The following PTDSS1 variants were observed in gnomAD, a reference collection of about 807,000 sequenced individuals.
PTDSS1 encodes the protein phosphatidylserine synthase 1.
PTDSS1 carries 45 observed loss-of-function variants against 70.5 expected under a neutral mutation model. The ratio of observed to expected loss-of-function variants is 0.64; its 90% CI spans 0.50 to 0.82. PTDSS1 has a LOEUF of 0.82. Ranked by LOEUF, PTDSS1 falls within the 40% of genes least tolerant of loss-of-function variation. The pLI is 0.00. For missense variants in PTDSS1, 417 were observed against 586.1 expected (o/e 0.71, Z 2.98); for synonymous variants, 188 against 203.8 (o/e 0.92, Z 0.66).
intron 9 of PTDSS1, among the ~76,000 whole-genome samples, chr8:96,315,790 A>G (rs574477559): frequency 2.0e-5 from 3 of 152,160 alleles, no homozygotes; most frequent in Non-Finnish European, 4.4e-5. Context: ...GGAGGCCCTG[A>G]CTGAATTCCA....
chr8:96,289,080 G>T (rs940801900), intron 4 of PTDSS1, among the ~76,000 whole-genome samples: 1 of 151,572 alleles, frequency 6.6e-6, no homozygotes, highest in African/African-American at 2.4e-5. Context: ...GACTACAGGC[G>T]CCTGCCACTA....
intron 2 of PTDSS1, among the ~76,000 whole-genome samples, chr8:96,278,669 C>G (rs1207712424): frequency 6.6e-6 from 1 of 152,188 alleles, no homozygotes; most frequent in Non-Finnish European, 1.5e-5. Context: ...CACCCTATCA[C>G]TGGAGTGAAA....
Position 96,273,286 on chromosome 8 carries a change from T to C in PTDSS1, c.180-13T>C. On this transcript the variant is annotated splice_polypyrimidine_tract_variant and intron_variant, in intron 1 of 12. Transcript: ENST00000517309. ...CTGAAAGTAAATGCTCAATGTTGTT[T>C]TTCTATTTTCAGGGATGACTCTGTT... 6.4e-7 allele frequency: 1 copy of C among 1,573,038 alleles called. No homozygotes were observed. The highest frequency in any genetic ancestry group is 1.7e-4 in the Middle Eastern group (1 of 5,884).
In PTDSS1 at chr8:96,262,282, T is replaced by TGGGTGGGGG; in HGVS notation, c.179+65_179+66insGTGGGGGGG. The stretch of plus-strand genomic sequence containing the variant: ...GCTAGGGAAGAGGCGGGAGGGAGGG[T>TGGGTGGGGG]GGCGGGGAGGGGGGCCCGGCATGGC... On this transcript the variant is annotated intron_variant, in intron 1 of 12. Coordinates refer to ENST00000517309, the MANE Select transcript of PTDSS1 (RefSeq NM_014754.3). The surrounding 1 kb of genome is among the most constrained non-coding windows in gnomAD (Gnocchi z 4.4). 4 of 250,404 alleles carry TGGGTGGGGG rather than the reference T, an allele frequency of 1.6e-5. No homozygotes were observed. Among genetic ancestry groups the TGGGTGGGGG allele is most frequent in the Non-Finnish European group, 2.4e-5 (3 of 125,578 alleles). The allele number at this position is 250,404 out of a possible 1,614,324, so 15.5% of individuals were successfully genotyped here.
At chr8:96,288,428 G>C (rs772866882) in intron 4 of PTDSS1, among the ~76,000 whole-genome samples, 3 of 151,902 alleles carry the variant, frequency 2.0e-5, no homozygotes, top group African/African-American at 7.3e-5. Context: ...AGGTTCAAGC[G>C]ATTATCCTGC....
intron 11 of PTDSS1, chr8:96,330,782 C>T (rs1811504406): frequency 2.0e-6 from 1 of 499,604 alleles, no homozygotes; most frequent in Non-Finnish European, 3.5e-6. Context: ...CACTTTCATC[C>T]TTTATTTACA....
intron 10 of PTDSS1, among the ~76,000 whole-genome samples, chr8:96,326,499 A>C (rs966771718): frequency 2.6e-5 from 4 of 152,168 alleles, no homozygotes; most frequent in African/African-American, 9.7e-5. Context: ...CGTGGAGAAT[A>C]AAGGAGTGAG....
chr8:96,275,988 G>A (rs113624100), intron 2 of PTDSS1, among the ~76,000 whole-genome samples: 3 of 152,326 alleles, frequency 2.0e-5, no homozygotes, highest in Non-Finnish European at 4.4e-5. Context: ...TCAGGAAACT[G>A]ATCAGTGCAC....
intron 1 of PTDSS1, among the ~76,000 whole-genome samples, chr8:96,269,157 G>A (rs1810526901): frequency 1.3e-5 from 2 of 152,200 alleles, no homozygotes; most frequent in Non-Finnish European, 2.9e-5. Context: ...GTCTGTTTGT[G>A]TCCTTATTGG....
chr8:96,278,542 C>T (rs1035627613), intron 2 of PTDSS1, among the ~76,000 whole-genome samples: 1 of 152,178 alleles, frequency 6.6e-6, no homozygotes, highest in African/African-American at 2.4e-5. Context: ...CTGCCCTCTT[C>T]GCCTCTTCAG....
chr8:96,299,574 A>G, intron 5 of PTDSS1, 120 bp from the exon 6 acceptor site: 1 of 1,124,048 alleles, frequency 8.9e-7, no homozygotes, highest in East Asian at 2.5e-5. Flanking sequence ...GTACATTAGG[A>G]AAAAATGAAA....
rs1369244928 is a variant in PTDSS1, at chr8:96,335,654, A to G, written c.*2088A>G. On this transcript the variant is annotated 3_prime_UTR_variant, in exon 13 of 13. Coordinates refer to ENST00000517309, the MANE Select transcript of PTDSS1 (RefSeq NM_014754.3). ...CCAGGAAAGTTCTCAGATACTTTCC[A>G]TGCCCTTTCTTTGAGTTGAAACTTT... is the stretch of plus-strand genomic sequence containing the variant. 3.3e-5 allele frequency: 5 copies of G among 152,232 alleles called. No homozygotes were observed. Among genetic ancestry groups the G allele is most frequent in the East Asian group, 1.9e-4 (1 of 5,198 alleles). The allele number at this position is 152,232 out of a possible 1,614,324, so 9.4% of individuals were successfully genotyped here.
intron 10 of PTDSS1, among the ~76,000 whole-genome samples, chr8:96,323,861 A>G (rs1195406709): frequency 2.6e-5 from 4 of 152,188 alleles, no homozygotes. Context: ...CCAGGCTTTG[A>G]ATTTTCCAGA....
intron 9 of PTDSS1, among the ~76,000 whole-genome samples, chr8:96,316,086 G>T (rs1811284644): frequency 6.6e-6 from 1 of 152,172 alleles, no homozygotes; most frequent in African/African-American, 2.4e-5. Flanking sequence ...CCTCCAGTGG[G>T]CCAGAGGTAA....
chr8:96,274,253 C>T (rs988142860), intron 2 of PTDSS1, among the ~76,000 whole-genome samples: 1 of 151,880 alleles, frequency 6.6e-6, no homozygotes, highest in African/African-American at 2.4e-5. Flanking sequence ...CTTTAAGATG[C>T]ATTTCTTTTG....
intron 7 of PTDSS1, among the ~76,000 whole-genome samples, chr8:96,304,665 C>T (rs556394116): frequency 5.1e-4 from 78 of 152,248 alleles, no homozygotes; most frequent in African/African-American, 1.7e-3. Context: ...TGTTGTCCTC[C>T]GTGGAGAGAA....
chr8:96,303,118 C>T (rs971881141), intron 6 of PTDSS1, among the ~76,000 whole-genome samples: 1 of 152,186 alleles, frequency 6.6e-6, no homozygotes, highest in East Asian at 1.9e-4. Context: ...TTCTTGATCA[C>T]GCTGCATCTC....
In PTDSS1 at chr8:96,335,782, G is replaced by T. The variant is rs566858251; in HGVS notation, c.*2216G>T. ...TGCTATTCCTTTTAGAAGCCATACT[G>T]CTGGGTTTGGCCTACTTTTTTCACC... is the stretch of plus-strand genomic sequence containing the variant. On this transcript the variant is annotated 3_prime_UTR_variant, in exon 13 of 13. Transcript: ENST00000517309. 10 of 152,284 alleles carry T rather than the reference G, an allele frequency of 6.6e-5. No homozygotes were observed. Among genetic ancestry groups the T allele is most frequent in the African/African-American group, 2.4e-4 (10 of 41,548 alleles). The allele number at this position is 152,284 out of a possible 1,614,324, so 9.4% of individuals were successfully genotyped here. A position where few individuals can be genotyped will look rare whatever the true frequency, so the allele number is the denominator to read the frequency against.
At position 96,309,605 on chromosome 8, in the gene PTDSS1, A is replaced by G; in HGVS notation, c.1056A>G (p.Thr352=). The G allele has an allele frequency of 6.2e-7, 1 of 1,614,060 alleles. No homozygotes were observed. The highest frequency in any genetic ancestry group is 8.5e-7 in the Non-Finnish European group (1 of 1,179,922). The change falls in exon 9 of 13, where the codon ACA becomes ACG. Residue 352 remains threonine (T), a synonymous_variant. Transcript: ENST00000517309. ...LTDTQCKRVG[T]QCWVFGVIGF... is the part of the protein sequence containing the mutation. ...ACACACAGTGCAAGCGCGTAGGAAC[A>G]CAATGCTGGGTGTTTGGGTGAGTAA...
Sources: allele counts gnomAD v4.1 joint callset (sites outside exome capture counted in the v4.1 genomes callset), GRCh38; gene constraint gnomAD v4.1.1; non-coding constraint Gnocchi (gnomAD v3.1); transcripts MANE v1.5; gene names NCBI Gene and HGNC (gene_info 2026-07-23, HGNC 2026-07-21).